WASF2: variants seen among roughly 807,000 people sequenced by gnomAD.
WASF2 encodes the protein WASP family member 2, also known as actin-binding protein WASF2.
In WASF2, 14 loss-of-function variants were observed where a neutral mutation model predicts 45.0. That is an observed-to-expected ratio of 0.31 (90% confidence interval 0.21 to 0.49). The LOEUF is 0.49. Ranked by LOEUF, WASF2 falls within the 20% of genes least tolerant of loss-of-function variation. WASF2 has a pLI of 0.99. For missense variants in WASF2, 439 were observed against 636.1 expected (o/e 0.69, Z 3.33); for synonymous variants, 200 against 236.3 (o/e 0.85, Z 1.41).
chr1:27,420,963 G>C (rs2016900976), intron 2 of WASF2, among the ~76,000 whole-genome samples: 1 of 152,142 alleles, frequency 6.6e-6, no homozygotes, highest in South Asian at 2.1e-4. Context: ...CCATATTTGA[G>C]GGGGAAAAAA....
At chr1:27,461,036 C>T (rs578187411) in intron 1 of WASF2, among the ~76,000 whole-genome samples, 3 of 152,166 alleles carry the variant, frequency 2.0e-5, no homozygotes, top group Admixed American at 1.3e-4. Flanking sequence ...GTCCCAACTA[C>T]TCGGCAGGCT....
intron 8 of WASF2, among the ~76,000 whole-genome samples, 163 bp from the exon 9 acceptor site, chr1:27,408,509 T>C (rs1437389629): frequency 6.6e-6 from 1 of 152,184 alleles, no homozygotes; most frequent in Non-Finnish European, 1.5e-5. Flanking sequence ...GTTTATGAAA[T>C]TGATGGCCCT....
chr1:27,454,491 C>A (rs1045042837), intron 1 of WASF2, among the ~76,000 whole-genome samples: 1 of 151,934 alleles, frequency 6.6e-6, no homozygotes, highest in African/African-American at 2.4e-5. Flanking sequence ...CAGGCACCAC[C>A]AATGCCCAGC....
chr1:27,439,185 T>A (rs2017175428), intron 1 of WASF2, among the ~76,000 whole-genome samples: 2 of 152,256 alleles, frequency 1.3e-5, no homozygotes, highest in Non-Finnish European at 2.9e-5. Flanking sequence ...GTCTATTTCC[T>A]AGCCTGTTAA....
intron 1 of WASF2, among the ~76,000 whole-genome samples, chr1:27,483,244 T>G (rs1396301033): frequency 2.0e-5 from 3 of 150,642 alleles, no homozygotes; most frequent in Non-Finnish European, 3.0e-5. Flanking sequence ...CTGAGGCGGG[T>G]AGATCACCTG....
chr1:27,465,579 CT>C (rs1211458426), intron 1 of WASF2, among the ~76,000 whole-genome samples: 1 of 152,180 alleles, frequency 6.6e-6, no homozygotes, highest in Non-Finnish European at 1.5e-5. Flanking sequence ...CTATCTTCCC[CT>C]GATGACCCCT....
chr1:27,471,201 C>T (rs1175062984), intron 1 of WASF2, among the ~76,000 whole-genome samples: 6 of 151,870 alleles, frequency 4.0e-5, no homozygotes, highest in South Asian at 2.1e-4. Context: ...AAAAATTAGC[C>T]GGGCGTAGTG....
rs192586304 is a variant in WASF2 at position 27,449,877 on chromosome 1, C to T, written c.-43-20944G>A. Among the ~76,000 whole-genome samples, 670 of 152,270 alleles carry T rather than the reference C, an allele frequency of 4.4e-3. 3 individuals carry two copies. Among genetic ancestry groups the T allele is most frequent in the African/African-American group, 0.014 (591 of 41,556 alleles). ...GAAAATTATTGGCTGGGCATGGTGG[C>T]TCACGCCTATAATCCCAGCACTTTG... On this transcript the variant is annotated intron_variant, in intron 1 of 8. Coordinates refer to ENST00000618852, the MANE Select transcript of WASF2 (RefSeq NM_006990.5).
chr1:27,452,552 C>T (rs890894021), intron 1 of WASF2, among the ~76,000 whole-genome samples: 30 of 151,816 alleles, frequency 2.0e-4, no homozygotes, highest in African/African-American at 6.3e-4. Flanking sequence ...CGCGGTGGCT[C>T]GTGCCTGTAA....
At chr1:27,460,551 A>G (rs998976719) in intron 1 of WASF2, among the ~76,000 whole-genome samples, 3 of 152,196 alleles carry the variant, frequency 2.0e-5, no homozygotes, top group Non-Finnish European at 2.9e-5. Flanking sequence ...GTTTACATCA[A>G]TCATCCCAGA....
chr1:27,475,503 A>G (rs1167576362), intron 1 of WASF2, among the ~76,000 whole-genome samples: 1 of 152,198 alleles, frequency 6.6e-6, no homozygotes, highest in Non-Finnish European at 1.5e-5. Context: ...CACTTTCAGT[A>G]TATCACCTTC....
chr1:27,415,915 T>C (rs988764191), intron 5 of WASF2, 70 bp downstream of exon 5: 1 of 1,314,906 alleles, frequency 7.6e-7, no homozygotes, highest in African/African-American at 1.5e-5. Context: ...CACATAACAC[T>C]GGCTTCCTTT....
intron 1 of WASF2, among the ~76,000 whole-genome samples, chr1:27,451,774 C>A (rs2017386656): frequency 1.3e-5 from 2 of 152,318 alleles, no homozygotes; most frequent in East Asian, 1.9e-4. Flanking sequence ...CTTCCTTGAA[C>A]AATTAAATTA....
At chr1:27,469,320 T>C (rs974681162) in intron 1 of WASF2, among the ~76,000 whole-genome samples, 1 of 152,186 alleles carries the variant, frequency 6.6e-6, no homozygotes, top group Non-Finnish European at 1.5e-5. Flanking sequence ...CATCTGTATA[T>C]GTTTGAAATT....
intron 1 of WASF2, 54 bp from the exon 2 acceptor site, chr1:27,428,987 A>C: frequency 8.8e-7 from 1 of 1,141,774 alleles, no homozygotes; most frequent in Non-Finnish European, 1.2e-6. Flanking sequence ...CAGGCACACT[A>C]GGGCTGTGTG....
chr1:27,484,070 A>C (rs953357021), intron 1 of WASF2, among the ~76,000 whole-genome samples: 4 of 152,162 alleles, frequency 2.6e-5, no homozygotes, highest in Admixed American at 1.3e-4. Flanking sequence ...TGAAGGTACC[A>C]TTCTTAGGAA....
chr1:27,486,748 AC>A (rs1456235137), intron 1 of WASF2, among the ~76,000 whole-genome samples: 1 of 151,918 alleles, frequency 6.6e-6, no homozygotes, highest in Non-Finnish European at 1.5e-5. Context: ...ACATGGCAAA[AC>A]CCTATCTCTA....
At chr1:27,413,338 T>A (rs1458670759) in intron 6 of WASF2, among the ~76,000 whole-genome samples, 1 of 152,216 alleles carries the variant, frequency 6.6e-6, no homozygotes, top group Admixed American at 6.5e-5. Flanking sequence ...TGTCCCTCAG[T>A]GCACTGGGCC....
At chr1:27,415,635 A>T (rs934577992) in intron 5 of WASF2, among the ~76,000 whole-genome samples, 1 of 152,182 alleles carries the variant, frequency 6.6e-6, no homozygotes, top group African/African-American at 2.4e-5. Context: ...CTGATCTCTG[A>T]GAAATGAGCT....
Sources: allele counts gnomAD v4.1 joint callset (sites outside exome capture counted in the v4.1 genomes callset), GRCh38; gene constraint gnomAD v4.1.1; transcripts MANE v1.5; gene names NCBI Gene and HGNC (gene_info 2026-07-23, HGNC 2026-07-21).